Variants in RBM20 observed in about 807,000 individuals in gnomAD.
RBM20 encodes RNA-binding protein 20.
RBM20 carries 51 observed loss-of-function variants against 110.1 expected under a neutral mutation model. The observed-to-expected ratio is 0.46, with a 90% confidence interval of 0.37 to 0.59. The LOEUF is 0.59. RBM20 is among the 20% of genes least tolerant of loss of function. The probability of loss-of-function intolerance (pLI) is 0.00; values close to 1 mark genes in which losing one functional copy is unlikely to be tolerated. For missense variants in RBM20, 1,512 were observed against 1,574.9 expected (o/e 0.96, Z 0.68); for synonymous variants, 589 against 618.2 (o/e 0.95, Z 0.70).
intron 1 of RBM20, among the ~76,000 whole-genome samples, chr10:110,708,912 G>A (rs763658823): frequency 3.9e-5 from 6 of 152,212 alleles, no homozygotes; most frequent in Non-Finnish European, 7.3e-5. Context: ...TGGCAGAAAC[G>A]TCCAGTGGGG....
intron 10 of RBM20, among the ~76,000 whole-genome samples, chr10:110,820,451 A>G (rs1252086317): frequency 1.3e-5 from 2 of 152,206 alleles, no homozygotes; most frequent in Non-Finnish European, 2.9e-5. Flanking sequence ...TGCCCAAAAA[A>G]AGACTCAGGC....
rs1844600546 is a variant in RBM20, at chr10:110,799,893, A to G, written c.1775A>G (p.Lys592Arg). 6.4e-7 allele frequency: 1 copy of G among 1,552,118 alleles called. No homozygotes were observed. The highest frequency in any genetic ancestry group is 8.7e-7 in the Non-Finnish European group (1 of 1,147,034). The part of the protein sequence containing the change: ...NGEKLLIRMS[K>R]RYKELQLKKP... ...GAGAAGTTGCTCATTCGGATGTCCA[A>G]GAGATACAAGGAATTGCAGCTCAAG... Residue 592 changes from lysine (K) to arginine (R), a missense_variant, in exon 7 of 14, where the codon AAG becomes AGG. By Grantham distance (26) the Lys-to-Arg change is conservative. Transcript: ENST00000369519.
At chr10:110,732,906 G>C (rs1843633739) in intron 1 of RBM20, among the ~76,000 whole-genome samples, 1 of 152,132 alleles carries the variant, frequency 6.6e-6, no homozygotes, top group African/African-American at 2.4e-5. Flanking sequence ...GCAGAACCTG[G>C]AAACAAGAAT....
chr10:110,834,041 C>G (rs1217638944), intron 13 of RBM20, among the ~76,000 whole-genome samples: 1 of 152,200 alleles, frequency 6.6e-6, no homozygotes, highest in Non-Finnish European at 1.5e-5. Flanking sequence ...GAAGGAGCCT[C>G]CGCTCTCTCT....
intron 5 of RBM20, among the ~76,000 whole-genome samples, chr10:110,794,075 C>G (rs1205826690): frequency 6.6e-6 from 1 of 152,168 alleles, no homozygotes; most frequent in Non-Finnish European, 1.5e-5. Context: ...GGACCTCACT[C>G]CGCCTGTTTC....
chr10:110,825,792 G>A (rs2135129257), intron 12 of RBM20, among the ~76,000 whole-genome samples: 1 of 152,298 alleles, frequency 6.6e-6, no homozygotes, highest in South Asian at 2.1e-4. Flanking sequence ...CATCCCTAGG[G>A]ATCTGTATGT....
intron 7 of RBM20, among the ~76,000 whole-genome samples, chr10:110,808,270 C>A (rs1431302453): frequency 1.3e-5 from 2 of 152,238 alleles, no homozygotes; most frequent in Non-Finnish European, 2.9e-5. Flanking sequence ...GAGGAGACAT[C>A]CTGGGCAGCA....
At chr10:110,782,555 G>A (rs181846821) in intron 2 of RBM20, among the ~76,000 whole-genome samples, 1 of 152,320 alleles carries the variant, frequency 6.6e-6, no homozygotes, top group African/African-American at 2.4e-5. Context: ...TGTGCCAGCA[G>A]TAACTCTTAT....
chr10:110,679,988 C>T (rs1485509275), intron 1 of RBM20, among the ~76,000 whole-genome samples: 1 of 152,230 alleles, frequency 6.6e-6, no homozygotes, highest in Non-Finnish European at 1.5e-5. Flanking sequence ...TTTTAACCTG[C>T]TCTTCTCATA....
At chr10:110,713,946 C>T (rs1183666705) in intron 1 of RBM20, among the ~76,000 whole-genome samples, 5 of 152,128 alleles carry the variant, frequency 3.3e-5, no homozygotes, top group African/African-American at 9.7e-5. Context: ...TGATAATATT[C>T]AGATGTATTA....
Position 110,824,933 on chromosome 10 carries a change from C to T in RBM20, c.3451+1319C>T, listed in dbSNP as rs536774013. ...GGAGGGGCTGGTCAGTGTGGAGGCT[C>T]GTCCTTTCCATCCAACTTGCTCTTT... is the stretch of plus-strand genomic sequence containing the variant. On this transcript the variant is annotated intron_variant, in intron 12 of 13. Transcript: ENST00000369519. Among the ~76,000 whole-genome samples, 5 of 152,182 alleles carry T rather than the reference C, an allele frequency of 3.3e-5. No homozygotes were observed. The East Asian group carries it at 5.8e-4, about 18-fold the overall frequency.
chr10:110,653,233 A>G (rs557715124), intron 1 of RBM20, among the ~76,000 whole-genome samples: 9 of 152,352 alleles, frequency 5.9e-5, no homozygotes, highest in African/African-American at 2.2e-4. Context: ...AGTTATAGGA[A>G]TGCCCATTAT....
intron 1 of RBM20, among the ~76,000 whole-genome samples, chr10:110,700,053 G>A (rs1370445723): frequency 2.6e-5 from 4 of 152,158 alleles, no homozygotes; most frequent in Admixed American, 1.3e-4. Context: ...TAAAACTTAC[G>A]AATTATTTAT....
At chr10:110,670,816 A>G (rs530256891) in intron 1 of RBM20, among the ~76,000 whole-genome samples, 1 of 152,310 alleles carries the variant, frequency 6.6e-6, no homozygotes, top group Non-Finnish European at 1.5e-5. Context: ...TTCTTGAAAG[A>G]AAAAATATTA....
intron 1 of RBM20, among the ~76,000 whole-genome samples, chr10:110,727,412 T>TA (rs753041080): frequency 3.3e-3 from 226 of 68,958 alleles, no homozygotes; most frequent in African/African-American, 0.011. Flanking sequence ...AAAATAAAAA[T>TA]AAAAAAAAAA....
Position 110,644,511 on chromosome 10 carries a change from G to T in RBM20, c.57G>T (p.Pro19=), listed in dbSNP as rs781263787. Residue 19 remains proline, a synonymous_variant, in exon 1 of 14, where the codon CCG becomes CCT. Coordinates refer to ENST00000369519, the MANE Select transcript of RBM20 (RefSeq NM_001134363.3). This position sits in a 1 kb window ranked among gnomAD's most constrained non-coding sequence, Gnocchi z 4.3. ...QDADPSGPEQ[P]DRVACSVPGA... ...CGGACCCCAGCGGTCCGGAGCAGCC[G>T]GACAGAGTTGCCTGCAGTGTGCCTG... The T allele has an allele frequency of 4.6e-5, 70 of 1,527,166 alleles. No homozygotes were observed. The highest frequency in any genetic ancestry group is 2.3e-4 in the Middle Eastern group (1 of 4,378). 94.6% of individuals were successfully genotyped at this position (1,527,166 alleles called of 1,614,324 possible).
chr10:110,655,904 C>CT (rs34255362), intron 1 of RBM20, among the ~76,000 whole-genome samples: 116,322 of 149,448 alleles, frequency 0.78, 46,280 homozygotes, highest in South Asian at 0.85. Flanking sequence ...TTTTTTTGGT[C>CT]TTTTTTTTTT....
intron 5 of RBM20, among the ~76,000 whole-genome samples, chr10:110,787,198 T>A (rs1418982429): frequency 6.6e-6 from 1 of 152,248 alleles, no homozygotes; most frequent in Non-Finnish European, 1.5e-5. Context: ...GCTTGTGTAA[T>A]TTATTGTTTT....
In RBM20 at chr10:110,737,177, C is replaced by CAAAAAAAAAAAAAAAAAAAAAAAAAA. The variant is rs550138775; in HGVS notation, c.192-43604_192-43603insAAAAAAAAAAAAAAAAAAAAAAAAAA. 5.3e-3 allele frequency among the ~76,000 whole-genome samples: 141 copies of CAAAAAAAAAAAAAAAAAAAAAAAAAA among 26,600 alleles called. 25 individuals are homozygous for CAAAAAAAAAAAAAAAAAAAAAAAAAA. Among genetic ancestry groups the CAAAAAAAAAAAAAAAAAAAAAAAAAA allele is most frequent in the Non-Finnish European group, 6.2e-3 (89 of 14,360 alleles). The allele number at this position is 26,600 out of a possible 152,430, so 17.5% of individuals were successfully genotyped here. ...GGGCAAGAAGAGTGAAACTCTGCCT[C>CAAAAAAAAAAAAAAAAAAAAAAAAAA]AAAAAAAAAAAAAAAAAAAACACCC... On this transcript the variant is annotated intron_variant, in intron 1 of 13. Transcript: ENST00000369519.
Sources: allele counts gnomAD v4.1 joint callset (sites outside exome capture counted in the v4.1 genomes callset), GRCh38; gene constraint gnomAD v4.1.1; non-coding constraint Gnocchi (gnomAD v3.1); transcripts MANE v1.5; gene names NCBI Gene and HGNC (gene_info 2026-07-23, HGNC 2026-07-21).